Variants in EPS8 observed in about 807,000 individuals in gnomAD.
EPS8 encodes EGFR pathway substrate 8, signaling adaptor.
In EPS8, 42 loss-of-function variants were observed where a neutral mutation model predicts 103.8. The observed-to-expected ratio is 0.40, with a 90% confidence interval of 0.32 to 0.52. The LOEUF (loss-of-function observed/expected upper bound fraction) is 0.52. EPS8 is among the 20% of genes least tolerant of loss of function. EPS8 has a pLI of 0.40. For synonymous variants in EPS8, 344 were observed against 344.6 expected, an observed-to-expected ratio of 1.00 and a Z score of 0.02; for missense variants, 969 against 1,005.1, an observed-to-expected ratio of 0.96 and a Z score of 0.49.
At chr12:15,782,188 T>C (rs1315578358) in intron 1 of EPS8, 1 of 152,064 alleles carries the variant, frequency 6.6e-6, no homozygotes, top group African/African-American at 2.4e-5. Flanking sequence ...TTTTGGAGAT[T>C]TGTGACAATT....
chr12:15,776,372 TTGGAA>T lies in EPS8; in HGVS notation c.-22+12784_-22+12788del, dbSNP rs1306774959. On this transcript the variant is annotated intron_variant, in intron 1 of 20. Transcript: ENST00000281172. The surrounding 1 kb of genome is among the most constrained non-coding windows in gnomAD (Gnocchi z 4.2). ...TGCAAAGGAGCAATCCGGTACTCTT[TTGGAA>T]GAGAGAAAAAAACAGCTGGCTTAGG... is the stretch of plus-strand genomic sequence containing the variant. 1.3e-5 allele frequency among the ~76,000 whole-genome samples: 2 copies of T among 152,106 alleles called. No individual in the cohort carries two copies. Among genetic ancestry groups the T allele is most frequent in the East Asian group, 3.9e-4 (2 of 5,190 alleles).
rs139431913 is a variant in EPS8 at position 15,646,737 on chromosome 12, T to G, written c.1568+390A>C. On this transcript the variant is annotated intron_variant, in intron 15 of 20. Transcript: ENST00000281172. ...ATATATCTGTCTAAAGGAAGGTTTA[T>G]TTGTTTTCATTGGGTGAAGATAAAG... is the stretch of plus-strand genomic sequence containing the variant. Among the ~76,000 whole-genome samples the G allele has an allele frequency of 3.2e-4, 48 of 152,376 alleles. No individual in the cohort carries two copies. The East Asian group carries it at 9.3e-3, about 29-fold the overall frequency.
intron 20 of EPS8, 117 bp downstream of exon 20, chr12:15,623,041 G>T: frequency 1.0e-6 from 1 of 996,352 alleles, no homozygotes. Context: ...TACAAAAGCA[G>T]AGTTAAATTT....
rs922925579 is a variant in EPS8 at position 15,736,349 on chromosome 12, C to A, written c.-22+52812G>T. 1.3e-5 allele frequency among the ~76,000 whole-genome samples: 2 copies of A among 152,152 alleles called. No homozygotes were observed. Among genetic ancestry groups the A allele is most frequent in the African/African-American group, 4.8e-5 (2 of 41,430 alleles). On this transcript the variant is annotated intron_variant, in intron 1 of 20. Transcript: ENST00000281172. This position sits in a 1 kb window ranked among gnomAD's most constrained non-coding sequence, Gnocchi z 4.2. The stretch of plus-strand genomic sequence containing the variant: ...TGAATTCCAACGCCATAAGTTAACA[C>A]TACGGAAATACTGAAGAGAATTTCA...
chr12:15,718,174 T>C (rs935543470), intron 1 of EPS8, among the ~76,000 whole-genome samples: 2 of 152,178 alleles, frequency 1.3e-5, no homozygotes, highest in African/African-American at 4.8e-5. Flanking sequence ...TCCTCACCTG[T>C]AAAATGAGAC....
At chr12:15,629,360 C>T (rs1042534026) in intron 18 of EPS8, among the ~76,000 whole-genome samples, 24 of 152,156 alleles carry the variant, frequency 1.6e-4, no homozygotes, top group Non-Finnish European at 2.1e-4. Flanking sequence ...AGAGTCCCAC[C>T]GTGTCAAAGA....
chr12:15,640,674 A>G, intron 17 of EPS8, 29 bp downstream of exon 17: 1 of 1,597,864 alleles, frequency 6.3e-7, no homozygotes, highest in Non-Finnish European at 8.6e-7. Flanking sequence ...ATGTGTACAT[A>G]CTACATTTTA....
At chr12:15,705,674 C>A (rs926768784) in intron 1 of EPS8, among the ~76,000 whole-genome samples, 1 of 152,132 alleles carries the variant, frequency 6.6e-6, no homozygotes, top group African/African-American at 2.4e-5. Flanking sequence ...CATGAATGTA[C>A]CTTCCTTTTA....
intron 6 of EPS8, among the ~76,000 whole-genome samples, chr12:15,668,099 T>C (rs1192883675): frequency 6.6e-6 from 1 of 152,188 alleles, no homozygotes; most frequent in African/African-American, 2.4e-5. Flanking sequence ...ATATTCCCTT[T>C]AATATTTATT....
chr12:15,650,419 G>C (rs1470930540), intron 14 of EPS8, among the ~76,000 whole-genome samples: 1 of 152,184 alleles, frequency 6.6e-6, no homozygotes, highest in Non-Finnish European at 1.5e-5. Context: ...AGAGGATCTA[G>C]GTTCAGGGAA....
chr12:15,786,986 G>GT (rs1385317141), intron 1 of EPS8, among the ~76,000 whole-genome samples: 1 of 152,030 alleles, frequency 6.6e-6, no homozygotes, highest in Non-Finnish European at 1.5e-5. Context: ...GATGATCCGT[G>GT]TAACTACCAA....
chr12:15,719,239 A>G (rs1946568022), intron 1 of EPS8, among the ~76,000 whole-genome samples: 1 of 152,114 alleles, frequency 6.6e-6, no homozygotes, highest in Non-Finnish European at 1.5e-5. Context: ...ACATACTTAC[A>G]TATAAGTTAA....
At chr12:15,642,100 T>G (rs1358711493) in intron 15 of EPS8, among the ~76,000 whole-genome samples, 2 of 152,068 alleles carry the variant, frequency 1.3e-5, no homozygotes, top group Non-Finnish European at 2.9e-5. Flanking sequence ...AGTCTATGAA[T>G]TCTTTGTCTA....
rs772776817 is a variant in EPS8 at position 15,665,862 on chromosome 12, C to T, written c.630G>A (p.Pro210=). Residue 210 remains proline, a synonymous_variant, in exon 8 of 21, where the codon CCG becomes CCA. Coordinates refer to ENST00000281172, the MANE Select transcript of EPS8 (RefSeq NM_004447.6). Reference sequence around the variant, plus strand: ...CAGGGGCAGGAGCTCTGGGTGGAGGCGGTATACTAGGGTCTGCATTGGAAA... The same window carrying T: ...CAGGGGCAGGAGCTCTGGGTGGAGGTGGTATACTAGGGTCTGCATTGGAAA... ...RMISNADPSI[P]PPPRAPAPAP... is the part of the protein sequence containing the mutation. 2.7e-5 allele frequency: 44 copies of T among 1,613,622 alleles called. No homozygotes were observed. The highest frequency in any genetic ancestry group is 3.3e-4 in the Middle Eastern group (2 of 6,080).
intron 9 of EPS8, 85 bp downstream of exon 9, chr12:15,661,941 T>C: frequency 1.0e-6 from 1 of 1,004,204 alleles, no homozygotes; most frequent in Non-Finnish European, 1.5e-6. Flanking sequence ...AATATCTCTA[T>C]TTAAATCAGC....
In EPS8 at chr12:15,787,690, G is replaced by A. The variant is rs1227262193; in HGVS notation, c.-22+1471C>T. Among the ~76,000 whole-genome samples the A allele has an allele frequency of 1.3e-5, 2 of 151,998 alleles. No homozygotes were observed. Among genetic ancestry groups the A allele is most frequent in the Non-Finnish European group, 2.9e-5 (2 of 67,992 alleles). On this transcript the variant is annotated intron_variant, in intron 1 of 20. Coordinates refer to ENST00000281172, the MANE Select transcript of EPS8 (RefSeq NM_004447.6). This position sits in a 1 kb window ranked among gnomAD's most constrained non-coding sequence, Gnocchi z 4.9. ...TGCTATAAAGTGAATGACTTGTGGT[G>A]CAATCTTACAAAGTCTCAATCTGTG...
chr12:15,638,414 C>T (rs973050186), intron 17 of EPS8, among the ~76,000 whole-genome samples: 1 of 152,026 alleles, frequency 6.6e-6, no homozygotes, highest in African/African-American at 2.4e-5. Context: ...TTGTTGAGCT[C>T]AGCCCAAAAT....
intron 20 of EPS8, 40 bp from the exon 21 acceptor site, chr12:15,621,470 G>T (rs1434799212): frequency 1.7e-5 from 20 of 1,171,978 alleles, no homozygotes; most frequent in Non-Finnish European, 2.5e-5. Flanking sequence ...TTACTGACTT[G>T]TGCAGGCTGC....
At position 15,631,460 on chromosome 12, in the gene EPS8, TG is replaced by T. The variant is rs1433662642; in HGVS notation, c.2025del (p.His675GlnfsTer24). On this transcript the variant is annotated frameshift_variant, in exon 18 of 21. Coordinates refer to ENST00000281172, the MANE Select transcript of EPS8 (RefSeq NM_004447.6). LOFTEE classifies it high-confidence loss of function. Reference sequence around the variant, plus strand: ...AACTTACGGTCCACCGGAAGTTGTTTGTGTCTCTGGCTGTCTCGCACGATAC... The same window carrying T: ...AACTTACGGTCCACCGGAAGTTGTTTTGTCTCTGGCTGTCTCGCACGATAC... Reference protein sequence around the residue: ...GGSIVRDSQRHKQLPVDRRKS... With the variant: ...GGSIVRDSQRXKQLPVDRRKS... 6.2e-7 allele frequency: 1 copy of T among 1,614,114 alleles called. No homozygotes were observed. Among genetic ancestry groups the T allele is most frequent in the Non-Finnish European group, 8.5e-7 (1 of 1,179,968 alleles).
Sources: gnomAD v4.1 joint callset for allele counts (sites outside exome capture counted in the v4.1 genomes callset) on GRCh38, gnomAD v4.1.1 for gene constraint, Gnocchi (gnomAD v3.1) non-coding constraint, MANE v1.5 for transcripts, NCBI Gene and HGNC (gene_info 2026-07-23, HGNC 2026-07-21) for gene names.